Variants in ZYG11A observed in about 807,000 individuals in gnomAD.
The protein encoded by ZYG11A is protein zyg-11 homolog A.
Under a neutral mutation model 77.2 loss-of-function variants are expected in ZYG11A, and 62 were observed. The observed-to-expected ratio is 0.80, with a 90% CI of 0.65 to 0.99. The LOEUF is 0.99. Ranked by LOEUF, ZYG11A falls within the 50% of genes least tolerant of loss-of-function variation. The pLI, the probability that ZYG11A is intolerant of heterozygous loss-of-function variation, is 0.00. For missense variants in ZYG11A, 828 were observed against 896.8 expected (o/e 0.92, Z 0.98); for synonymous variants, 315 against 324.6 (o/e 0.97, Z 0.32).
At chr1:52,884,018 C>T (rs903793428) in intron 11 of ZYG11A, among the ~76,000 whole-genome samples, 2 of 151,680 alleles carry the variant, frequency 1.3e-5, no homozygotes, top group Admixed American at 6.6e-5. Context: ...GGATTACAGG[C>T]GCCTGCCACC....
At chr1:52,870,567 C>T (rs1409792477) in intron 8 of ZYG11A, among the ~76,000 whole-genome samples, 1 of 152,224 alleles carries the variant, frequency 6.6e-6, no homozygotes, top group Non-Finnish European at 1.5e-5. Flanking sequence ...CCAGCCTGGG[C>T]ACCATTGAGC....
chr1:52,859,345 A>AT (rs1403708215), intron 3 of ZYG11A, among the ~76,000 whole-genome samples: 2 of 147,472 alleles, frequency 1.4e-5, no homozygotes, highest in Admixed American at 6.8e-5. Flanking sequence ...TTTATTTTTT[A>AT]TTTTTTTTGA....
At chr1:52,862,644 A>C (rs561717338) in intron 4 of ZYG11A, among the ~76,000 whole-genome samples, 8 of 152,172 alleles carry the variant, frequency 5.3e-5, no homozygotes, top group African/African-American at 1.9e-4. Context: ...ACAGTAAGCT[A>C]TGATGGTGCC....
At position 52,879,294 on chromosome 1, in the gene ZYG11A, C is replaced by T. The variant is rs189678986; in HGVS notation, c.1749+1325C>T. Among the ~76,000 whole-genome samples, 15 of 152,266 alleles carry T rather than the reference C, an allele frequency of 9.9e-5. No homozygotes were observed. The East Asian group carries it at 1.9e-3, about 20-fold the overall frequency. ...ATAACTTTGGGAAGGCAGTGTTAGACGTGTACAAACAGGTATCTGATTTAC... is the reference window on the plus strand; with the variant it reads ...ATAACTTTGGGAAGGCAGTGTTAGATGTGTACAAACAGGTATCTGATTTAC... On this transcript the variant is annotated intron_variant, in intron 10 of 13. Transcript: ENST00000371528.
At chr1:52,843,686 T>TTC (rs1318466796) in intron 1 of ZYG11A, among the ~76,000 whole-genome samples, 3 of 106,442 alleles carry the variant, frequency 2.8e-5, no homozygotes, top group Admixed American at 2.6e-4. Context: ...TTTTCTTTCT[T>TTC]TCTTTTTTTT....
intron 1 of ZYG11A, among the ~76,000 whole-genome samples, chr1:52,848,225 A>T (rs954768344): frequency 9.9e-5 from 15 of 151,460 alleles, no homozygotes; most frequent in Non-Finnish European, 1.0e-4. Context: ...TGGGTCTTAA[A>T]CTCCTGACCT....
chr1:52,858,494 G>A (rs930145283), intron 3 of ZYG11A, among the ~76,000 whole-genome samples: 4 of 150,312 alleles, frequency 2.7e-5, no homozygotes, highest in African/African-American at 9.8e-5. Flanking sequence ...TAGTAGAGAC[G>A]GGGTTTCACC....
intron 4 of ZYG11A, 147 bp from the exon 5 acceptor site, chr1:52,863,834 C>T: frequency 1.4e-6 from 1 of 719,594 alleles, no homozygotes; most frequent in Admixed American, 3.3e-5. Context: ...TGCTGTAATA[C>T]TTTGATGTTC....
In ZYG11A at chr1:52,877,856, G is replaced by T; in HGVS notation, c.1704+13G>T. On this transcript the variant is annotated intron_variant, in intron 9 of 13. Transcript: ENST00000371528. ...CCAAGTCTTGGAGGTGGGAAGACAGGATTGAGTTTATATGTAAAGTTCTTC... is the reference window on the plus strand; with the variant it reads ...CCAAGTCTTGGAGGTGGGAAGACAGTATTGAGTTTATATGTAAAGTTCTTC... The T allele has an allele frequency of 6.4e-7, 1 of 1,551,130 alleles. No homozygotes were observed. The highest frequency in any genetic ancestry group is 1.4e-5 in the African/African-American group (1 of 73,094).
chr1:52,885,586 C>T (rs980069373), intron 11 of ZYG11A, among the ~76,000 whole-genome samples: 4 of 152,150 alleles, frequency 2.6e-5, no homozygotes, highest in Non-Finnish European at 5.9e-5. Flanking sequence ...GTTTTACTTT[C>T]TGTTAATGGG....
rs1026577113 is a variant in ZYG11A, at chr1:52,869,740, G to C, written c.1542+1963G>C. Among the ~76,000 whole-genome samples, 3 of 151,972 alleles carry C rather than the reference G, an allele frequency of 2.0e-5. 1 individual carries two copies. The highest frequency in any genetic ancestry group is 7.3e-5 in the African/African-American group (3 of 41,330). ...AAAACCGCCATTGTCATCATGGCCC[G>C]TTCTCAATGAGCTGTTGGGTACACC... On this transcript the variant is annotated intron_variant, in intron 8 of 13. Coordinates refer to ENST00000371528, the MANE Select transcript of ZYG11A (RefSeq NM_001004339.3).
intron 8 of ZYG11A, among the ~76,000 whole-genome samples, chr1:52,873,156 C>G (rs796436065): frequency 1.5e-4 from 22 of 151,218 alleles, no homozygotes; most frequent in African/African-American, 5.3e-4. Flanking sequence ...CCTGTCTCTA[C>G]AAAATATTAG....
chr1:52,856,745 A>G (rs2149994323), intron 2 of ZYG11A, among the ~76,000 whole-genome samples: 1 of 152,282 alleles, frequency 6.6e-6, no homozygotes, highest in South Asian at 2.1e-4. Context: ...ACCTTGGATA[A>G]ATTACTTAAC....
intron 8 of ZYG11A, among the ~76,000 whole-genome samples, chr1:52,869,915 C>G (rs897004303): frequency 8.2e-5 from 12 of 146,378 alleles, no homozygotes; most frequent in East Asian, 7.9e-4. Context: ...GGGGCTGACC[C>G]CCCCCACACC....
chr1:52,856,334 A>AG (rs1645809565), intron 2 of ZYG11A, among the ~76,000 whole-genome samples: 1 of 151,746 alleles, frequency 6.6e-6, no homozygotes, highest in Admixed American at 6.6e-5. Context: ...GGCCAGGTGC[A>AG]GTGCCTGTAG....
intron 8 of ZYG11A, 45 bp downstream of exon 8, chr1:52,867,822 A>G: frequency 2.0e-6 from 3 of 1,479,776 alleles, no homozygotes; most frequent in Non-Finnish European, 2.7e-6. Context: ...AAAAAAGTCA[A>G]ATTTATGATT....
intron 13 of ZYG11A, among the ~76,000 whole-genome samples, chr1:52,887,408 A>C (rs903378978): frequency 6.6e-6 from 1 of 152,142 alleles, no homozygotes; most frequent in Non-Finnish European, 1.5e-5. Context: ...AAGTGGGCTC[A>C]TTCTGTGCAT....
chr1:52,868,059 T>G (rs1043484952), intron 8 of ZYG11A, among the ~76,000 whole-genome samples: 9 of 78,902 alleles, frequency 1.1e-4, no homozygotes, highest in African/African-American at 6.7e-4. Context: ...CTCCGCCTCC[T>G]GGGTTCACGC....
intron 7 of ZYG11A, 30 bp downstream of exon 7, chr1:52,867,668 A>G (rs1050291499): frequency 2.1e-5 from 33 of 1,549,754 alleles, no homozygotes; most frequent in Admixed American, 1.6e-4. Context: ...CAAGATGTCT[A>G]TCTCTCTAGT....
Sources: gnomAD v4.1 joint callset for allele counts (sites outside exome capture counted in the v4.1 genomes callset) on GRCh38, gnomAD v4.1.1 for gene constraint, MANE v1.5 for transcripts, NCBI Gene and HGNC (gene_info 2026-07-23, HGNC 2026-07-21) for gene names.